KIAA1217: variants seen among roughly 807,000 people sequenced by gnomAD.
KIAA1217 encodes the protein KIAA1217, also known as sickle tail protein homolog.
A neutral mutation model predicts 163.9 loss-of-function variants in KIAA1217; 88 were observed. The ratio of observed to expected loss-of-function variants is 0.54; its 90% CI spans 0.45 to 0.64. The LOEUF (loss-of-function observed/expected upper bound fraction) is 0.64. Ranked by LOEUF, KIAA1217 falls within the 30% of genes least tolerant of loss-of-function variation. The pLI is 0.00. For missense variants in KIAA1217, 2,372 were observed against 2,475.0 expected (o/e 0.96, Z 0.88); for synonymous variants, 903 against 923.1 (o/e 0.98, Z 0.39).
intron 1 of KIAA1217, among the ~76,000 whole-genome samples, chr10:23,737,456 G>A (rs533824574): frequency 6.6e-6 from 1 of 151,956 alleles, no homozygotes; most frequent in Non-Finnish European, 1.5e-5. Context: ...GCCTCCCAAA[G>A]TGCTGGGATT....
Position 24,546,661 on chromosome 10 carries a change from A to C in KIAA1217, c.*337A>C, listed in dbSNP as rs926646391. On this transcript the variant is annotated 3_prime_UTR_variant, in exon 21 of 21. Coordinates refer to ENST00000376454, the MANE Select transcript of KIAA1217 (RefSeq NM_019590.5). ...AAAACATGTATGATTCCAGAATTTT[A>C]GTATGTTTTGTATAAAACTATTTTT... 9.9e-6 allele frequency: 2 copies of C among 202,564 alleles called. No individual in the cohort carries two copies. Among genetic ancestry groups the C allele is most frequent in the East Asian group, 2.4e-4 (2 of 8,444 alleles). The allele number at this position is 202,564 out of a possible 1,614,324, so 12.5% of individuals were successfully genotyped here.
chr10:24,408,435 C>T (rs557632188), intron 3 of KIAA1217, among the ~76,000 whole-genome samples: 93 of 152,246 alleles, frequency 6.1e-4, no homozygotes, highest in African/African-American at 2.1e-3. Flanking sequence ...CCTCTTATCA[C>T]GAGCAGTCTC....
chr10:23,705,691 C>G (rs2130719553), intron 1 of KIAA1217, among the ~76,000 whole-genome samples: 1 of 152,186 alleles, frequency 6.6e-6, no homozygotes, highest in South Asian at 2.1e-4. Context: ...CAACTTTGTT[C>G]TTATTTTTTA....
chr10:23,876,943 C>T (rs1231550132), intron 1 of KIAA1217, among the ~76,000 whole-genome samples: 3 of 151,922 alleles, frequency 2.0e-5, no homozygotes, highest in Admixed American at 6.6e-5. Context: ...CATTGACTTA[C>T]GTGTCCCTCA....
intron 1 of KIAA1217, among the ~76,000 whole-genome samples, chr10:23,948,559 G>A (rs1034284757): frequency 6.6e-6 from 1 of 151,902 alleles, no homozygotes; most frequent in Non-Finnish European, 1.5e-5. Context: ...GTGATTTTGA[G>A]GGGAAAAAAA....
chr10:24,214,062 C>T (rs1469670571), intron 1 of KIAA1217, among the ~76,000 whole-genome samples: 1 of 152,078 alleles, frequency 6.6e-6, no homozygotes, highest in Non-Finnish European at 1.5e-5. Flanking sequence ...GATTCTGAGG[C>T]AGGAGGATCA....
At chr10:24,150,137 C>G (rs2131856003) in intron 2 of KIAA1217, among the ~76,000 whole-genome samples, 1 of 152,218 alleles carries the variant, frequency 6.6e-6, no homozygotes, top group Non-Finnish European at 1.5e-5. Flanking sequence ...GCTGCCTCAG[C>G]CTTCTGAGTA....
At chr10:23,882,096 C>T (rs145783952) in intron 1 of KIAA1217, among the ~76,000 whole-genome samples, 75 of 152,012 alleles carry the variant, frequency 4.9e-4, no homozygotes, top group African/African-American at 1.7e-3. Flanking sequence ...GTTAAAGTTT[C>T]GAATACATTC....
At chr10:24,409,806 C>G (rs191708857) in intron 3 of KIAA1217, among the ~76,000 whole-genome samples, 1 of 152,014 alleles carries the variant, frequency 6.6e-6, no homozygotes, top group African/African-American at 2.4e-5. Flanking sequence ...TTTAAGTCCT[C>G]ATAGCTCAGC....
chr10:24,258,357 A>C (rs879464814), intron 2 of KIAA1217, among the ~76,000 whole-genome samples: 1 of 152,176 alleles, frequency 6.6e-6, no homozygotes, highest in Non-Finnish European at 1.5e-5. Context: ...AGCGGGACAT[A>C]TTTGAAATCC....
chr10:23,830,389 C>A (rs1838122019), intron 1 of KIAA1217, among the ~76,000 whole-genome samples: 1 of 152,156 alleles, frequency 6.6e-6, no homozygotes. Flanking sequence ...ATGACACAAT[C>A]TTGATAAAAG....
At chr10:24,481,597 T>C (rs942729779) in intron 6 of KIAA1217, 6 of 152,132 alleles carry the variant, frequency 3.9e-5, no homozygotes, top group African/African-American at 1.4e-4. Context: ...AATAATACAT[T>C]GTAGGTTAAA....
chr10:23,702,973 G>A (rs951344138), intron 1 of KIAA1217, among the ~76,000 whole-genome samples: 6 of 152,098 alleles, frequency 3.9e-5, no homozygotes, highest in East Asian at 1.9e-4. Flanking sequence ...TGATCCGCCC[G>A]CCTCGGCCTC....
intron 2 of KIAA1217, among the ~76,000 whole-genome samples, chr10:24,368,615 G>A (rs2051124882): frequency 6.6e-6 from 1 of 152,132 alleles, no homozygotes; most frequent in African/African-American, 2.4e-5. Flanking sequence ...TCCCCCTTTA[G>A]TGAATGAGTA....
intron 1 of KIAA1217, among the ~76,000 whole-genome samples, chr10:23,873,835 A>G (rs970113799): frequency 1.3e-5 from 2 of 152,026 alleles, no homozygotes; most frequent in Non-Finnish European, 2.9e-5. Context: ...AAATATCAGT[A>G]CACATGTAGC....
At chr10:24,202,075 T>G (rs1314940340) in intron 2 of KIAA1217, among the ~76,000 whole-genome samples, 5 of 152,182 alleles carry the variant, frequency 3.3e-5, no homozygotes, top group Non-Finnish European at 7.3e-5. Flanking sequence ...ACTGTCAGCC[T>G]CCCGGGGGTG....
intron 2 of KIAA1217, among the ~76,000 whole-genome samples, chr10:24,172,247 A>G (rs2065666492): frequency 6.6e-6 from 1 of 152,172 alleles, no homozygotes; most frequent in Non-Finnish European, 1.5e-5. Context: ...AGGAGAAGAG[A>G]TTTACAGGAA....
intron 10 of KIAA1217, among the ~76,000 whole-genome samples, chr10:24,516,458 G>A (rs928748132): frequency 6.6e-6 from 1 of 152,234 alleles, no homozygotes; most frequent in Non-Finnish European, 1.5e-5. Context: ...AAGTTCCGGG[G>A]TTCAACCCCA....
chr10:24,426,502 T>C (rs765252564), intron 3 of KIAA1217, among the ~76,000 whole-genome samples: 1 of 152,084 alleles, frequency 6.6e-6, no homozygotes, highest in Non-Finnish European at 1.5e-5. Context: ...CATATACCTG[T>C]AGTCCCAGCT....
Sources: gnomAD v4.1 joint callset for allele counts (sites outside exome capture counted in the v4.1 genomes callset) on GRCh38, gnomAD v4.1.1 for gene constraint, MANE v1.5 for transcripts, NCBI Gene and HGNC (gene_info 2026-07-23, HGNC 2026-07-21) for gene names.